CHRM3: variants seen among roughly 807,000 people sequenced by gnomAD.
The protein encoded by CHRM3 is cholinergic receptor muscarinic 3, also known as muscarinic acetylcholine receptor M3.
In CHRM3, 11 loss-of-function variants were observed where a neutral mutation model predicts 41.8. The ratio of observed to expected loss-of-function variants is 0.26; its 90% CI spans 0.17 to 0.44. The LOEUF (loss-of-function observed/expected upper bound fraction) is 0.44, where lower values mean the gene tolerates loss of function less well. Among genes scored for constraint, CHRM3 ranks in the 20% least tolerant of loss-of-function variants. CHRM3 has a pLI of 1.00. For missense variants in CHRM3, 571 were observed against 745.4 expected, an observed-to-expected ratio of 0.77 and a Z score of 2.72; for synonymous variants, 297 against 301.4, an observed-to-expected ratio of 0.99 and a Z score of 0.15.
chr1:239,716,187 G>A (rs1050124324), intron 5 of CHRM3, among the ~76,000 whole-genome samples: 1 of 152,086 alleles, frequency 6.6e-6, no homozygotes, highest in East Asian at 1.9e-4. Context: ...AGAGCCAAAG[G>A]GAGCTTTTAG....
intron 1 of CHRM3, among the ~76,000 whole-genome samples, chr1:239,479,998 AATAAG>A (rs1666727200): frequency 6.6e-6 from 1 of 152,246 alleles, no homozygotes; most frequent in Non-Finnish European, 1.5e-5. Context: ...GTCACTAGAC[AATAAG>A]ATATTTTCAG....
intron 6 of CHRM3, among the ~76,000 whole-genome samples, chr1:239,883,690 C>T (rs1276610299): frequency 2.0e-5 from 3 of 152,142 alleles, no homozygotes; most frequent in African/African-American, 7.2e-5. Context: ...AAGTCTAGTT[C>T]TTGGTTTGTG....
At chr1:239,903,517 ACAG>A (rs1357094972) in intron 6 of CHRM3, among the ~76,000 whole-genome samples, 1 of 152,210 alleles carries the variant, frequency 6.6e-6, no homozygotes, top group African/African-American at 2.4e-5. Context: ...ATTGACAAAG[ACAG>A]AACACCTTTT....
chr1:239,684,783 A>AAAGAAAGAAAGAAAGAAAG (rs1463611879), intron 5 of CHRM3, among the ~76,000 whole-genome samples: 4 of 151,582 alleles, frequency 2.6e-5, no homozygotes, highest in Admixed American at 6.6e-5. Flanking sequence ...AAAGAGAAAG[A>AAAGAAAGAAAGAAAGAAAG]AAAGAGAAGA....
intron 2 of CHRM3, among the ~76,000 whole-genome samples, chr1:239,519,741 CTTTTT>C (rs386370161): frequency 1.2e-5 from 1 of 85,066 alleles, no homozygotes; most frequent in African/African-American, 4.8e-5. Context: ...AAAACTAGTT[CTTTTT>C]TTTTTTTTTT....
At chr1:239,528,327 G>C (rs988625147) in intron 2 of CHRM3, among the ~76,000 whole-genome samples, 1 of 152,122 alleles carries the variant, frequency 6.6e-6, no homozygotes, top group Non-Finnish European at 1.5e-5. Context: ...AAGAGACTTG[G>C]CAAATCTTGC....
intron 5 of CHRM3, among the ~76,000 whole-genome samples, chr1:239,794,992 T>C (rs373515449): frequency 2.0e-5 from 3 of 152,202 alleles, no homozygotes; most frequent in African/African-American, 7.2e-5. Context: ...CACGTGAGAA[T>C]AGATCATTAA....
chr1:239,408,535 A>AC (rs1660813427), intron 1 of CHRM3, among the ~76,000 whole-genome samples: 8 of 136,358 alleles, frequency 5.9e-5, no homozygotes, highest in East Asian at 4.5e-4. Context: ...AAAAAAAAAA[A>AC]AAAAAAAAAC....
At chr1:239,843,150 G>A (rs1240129167) in intron 6 of CHRM3, among the ~76,000 whole-genome samples, 1 of 152,092 alleles carries the variant, frequency 6.6e-6, no homozygotes, top group Non-Finnish European at 1.5e-5. Context: ...GCTCAAACAA[G>A]GGCCATCCTT....
At chr1:239,783,881 T>A (rs1668693088) in intron 5 of CHRM3, among the ~76,000 whole-genome samples, 1 of 152,098 alleles carries the variant, frequency 6.6e-6, no homozygotes. Context: ...ACTGTGGTAG[T>A]CCCCAGTGAC....
At chr1:239,483,027 G>C (rs1250858165) in intron 1 of CHRM3, among the ~76,000 whole-genome samples, 1 of 152,116 alleles carries the variant, frequency 6.6e-6, no homozygotes, top group Non-Finnish European at 1.5e-5. Context: ...GACACTATTT[G>C]AATCAAATGG....
At chr1:239,857,338 C>G (rs1328356876) in intron 6 of CHRM3, among the ~76,000 whole-genome samples, 1 of 152,026 alleles carries the variant, frequency 6.6e-6, no homozygotes, top group African/African-American at 2.4e-5. Flanking sequence ...GAACCAGAAT[C>G]TCTCATATTT....
intron 3 of CHRM3, among the ~76,000 whole-genome samples, chr1:239,574,235 G>A (rs79709800): frequency 0.082 from 12,534 of 152,162 alleles, 704 homozygotes; most frequent in Middle Eastern, 0.13. Context: ...TCAGATCCCT[G>A]CATTGTTCCC....
chr1:239,521,205 G>T (rs748549765), intron 2 of CHRM3, among the ~76,000 whole-genome samples: 26 of 152,204 alleles, frequency 1.7e-4, no homozygotes, highest in Admixed American at 3.3e-4. Context: ...GGCTAAAGAT[G>T]CTCCTTTGCA....
In CHRM3 at chr1:239,589,953, A is replaced by AT. The variant is rs1293680903; in HGVS notation, c.-312-42265dup. Among the ~76,000 whole-genome samples the AT allele has an allele frequency of 3.3e-5, 5 of 152,152 alleles. No individual in the cohort carries two copies. In the East Asian group the frequency reaches 9.7e-4, roughly 29 times the overall value. ...CTTAGTGATAAATGTAAGTGCTTTTATTTTTTATTTAAAAACCCACAGTTT... is the reference window on the plus strand; with the variant it reads ...CTTAGTGATAAATGTAAGTGCTTTTATTTTTTTATTTAAAAACCCACAGTTT... On this transcript the variant is annotated intron_variant, in intron 3 of 6. Transcript: ENST00000676153.
intron 2 of CHRM3, among the ~76,000 whole-genome samples, chr1:239,500,769 T>TACA (rs1352952851): frequency 4.6e-5 from 7 of 151,660 alleles, no homozygotes; most frequent in Non-Finnish European, 4.4e-5. Context: ...AATGCAACAG[T>TACA]ACATCACATT....
intron 5 of CHRM3, among the ~76,000 whole-genome samples, chr1:239,692,028 C>T (rs1317814939): frequency 1.3e-5 from 2 of 152,268 alleles, no homozygotes; most frequent in African/African-American, 4.8e-5. Context: ...TCAGTTTCCT[C>T]GAGACTCCTT....
Position 239,811,876 on chromosome 1 carries a change from A to T in CHRM3, c.-146-15376A>T, listed in dbSNP as rs557371013. 3.3e-5 allele frequency among the ~76,000 whole-genome samples: 5 copies of T among 152,364 alleles called. No individual in the cohort carries two copies. The South Asian group carries it at 1.0e-3, about 32-fold the overall frequency. On this transcript the variant is annotated intron_variant, in intron 5 of 6. Transcript: ENST00000676153. The stretch of plus-strand genomic sequence containing the variant: ...TAAAAAAAAATAGACAATTTGTAGC[A>T]GCAGAAGATACCTGATTATGAGGAC...
intron 5 of CHRM3, among the ~76,000 whole-genome samples, chr1:239,697,639 C>A (rs1425623644): frequency 6.6e-6 from 1 of 152,114 alleles, no homozygotes; most frequent in Non-Finnish European, 1.5e-5. Flanking sequence ...GAATTCAAGA[C>A]ACATAAGAGA....
Sources: gnomAD v4.1 joint callset for allele counts (sites outside exome capture counted in the v4.1 genomes callset) on GRCh38, gnomAD v4.1.1 for gene constraint, MANE v1.5 for transcripts, NCBI Gene and HGNC (gene_info 2026-07-23, HGNC 2026-07-21) for gene names.